Variants in TNFAIP8 observed in about 807,000 individuals in gnomAD.
TNFAIP8 encodes TNF alpha induced protein 8.
TNFAIP8 carries 7 observed loss-of-function variants against 13.3 expected under a neutral mutation model. The observed-to-expected ratio is 0.52, with a 90% CI of 0.30 to 0.99. The LOEUF (loss-of-function observed/expected upper bound fraction) is 0.99, where lower values mean the gene tolerates loss of function less well. Ranked by LOEUF, TNFAIP8 falls within the 50% of genes least tolerant of loss-of-function variation. The pLI is 0.07. For missense variants in TNFAIP8, 258 were observed against 236.9 expected, an observed-to-expected ratio of 1.09 and a Z score of -0.58; for synonymous variants, 94 against 87.6, an observed-to-expected ratio of 1.07 and a Z score of -0.41.
chr5:119,373,653 G>T (rs1468022150), intron 1 of TNFAIP8, among the ~76,000 whole-genome samples: 1 of 152,210 alleles, frequency 6.6e-6, no homozygotes, highest in Non-Finnish European at 1.5e-5. Context: ...GAAGGGATTG[G>T]CATGAAGCTT....
intron 1 of TNFAIP8, among the ~76,000 whole-genome samples, chr5:119,299,991 G>T (rs148672196): frequency 6.6e-6 from 1 of 152,216 alleles, no homozygotes; most frequent in Non-Finnish European, 1.5e-5. Flanking sequence ...GGAGTGACCC[G>T]ATTTTCCAGG....
Position 119,356,055 on chromosome 5 carries a change from G to A in TNFAIP8, c.-36G>A, listed in dbSNP as rs777378734. 6.4e-7 allele frequency: 1 copy of A among 1,561,254 alleles called. No homozygotes were observed. Among genetic ancestry groups the A allele is most frequent in the Non-Finnish European group, 8.7e-7 (1 of 1,152,266 alleles). ...TTGCGGCTCGTCCGAGTACATGTGA[G>A]CGGTAATCGCCCCTGCAGCTGGTTA... is the stretch of plus-strand genomic sequence containing the variant. On this transcript the variant is annotated 5_prime_UTR_variant, in exon 1 of 2. Coordinates refer to ENST00000504771, the MANE Select transcript of TNFAIP8 (RefSeq NM_014350.4).
intron 1 of TNFAIP8, among the ~76,000 whole-genome samples, chr5:119,294,781 C>G (rs1265871757): frequency 6.6e-6 from 1 of 152,112 alleles, no homozygotes; most frequent in African/African-American, 2.4e-5. Context: ...TTGCGTTTCT[C>G]TGATGGCCAG....
chr5:119,386,978 C>CCTCCCTCCCTCTCT, intron 1 of TNFAIP8, among the ~76,000 whole-genome samples: 1 of 135,540 alleles, frequency 7.4e-6, no homozygotes, highest in Non-Finnish European at 1.6e-5. Context: ...TCCCTCCCTC[C>CCTCCCTCCCTCTCT]CTCTCTTTCC....
intron 1 of TNFAIP8, among the ~76,000 whole-genome samples, chr5:119,371,895 T>C (rs920942368): frequency 7.9e-5 from 12 of 151,310 alleles, no homozygotes; most frequent in African/African-American, 2.9e-4. Context: ...CCCATCACTT[T>C]GGGAGGCCGA....
chr5:119,345,803 A>G (rs910999814), intron 1 of TNFAIP8, among the ~76,000 whole-genome samples: 5 of 152,214 alleles, frequency 3.3e-5, no homozygotes, highest in African/African-American at 1.2e-4. Flanking sequence ...TTGTACAACA[A>G]TGTGAATGTA....
intron 1 of TNFAIP8, among the ~76,000 whole-genome samples, chr5:119,280,375 C>A (rs918272941): frequency 1.3e-5 from 2 of 150,388 alleles, no homozygotes; most frequent in Admixed American, 6.6e-5. Flanking sequence ...TCTACAGACC[C>A]CTCTACCAGA....
intron 1 of TNFAIP8, among the ~76,000 whole-genome samples, chr5:119,364,639 C>T (rs772614587): frequency 1.2e-4 from 18 of 152,092 alleles, no homozygotes; most frequent in African/African-American, 1.2e-4. Context: ...TGAGCCACCG[C>T]GCCCAGTTAT....
At chr5:119,325,008 A>T (rs1750177951) in intron 1 of TNFAIP8, among the ~76,000 whole-genome samples, 1 of 152,144 alleles carries the variant, frequency 6.6e-6, no homozygotes, top group Non-Finnish European at 1.5e-5. Context: ...CTGAGGCAGG[A>T]GAATTGCTTG....
At position 119,387,037 on chromosome 5, in the gene TNFAIP8, A is replaced by G. The variant is rs141129454; in HGVS notation, c.32-5779A>G. Among the ~76,000 whole-genome samples, 73 of 122,370 alleles carry G rather than the reference A, an allele frequency of 6.0e-4. No homozygotes were observed. The East Asian group carries it at 0.016, about 26-fold the overall frequency. 80.3% of individuals were successfully genotyped at this position (122,370 alleles called of 152,430 possible). ...TCTTTCCCTCTGTTGTTTCTTCTCT[A>G]TGCTGTTGAATTTCTGACTTTGGGA... On this transcript the variant is annotated intron_variant, in intron 1 of 1. Transcript: ENST00000504771.
At chr5:119,299,813 G>T (rs1749302849) in intron 1 of TNFAIP8, among the ~76,000 whole-genome samples, 1 of 152,230 alleles carries the variant, frequency 6.6e-6, no homozygotes, top group South Asian at 2.1e-4. Flanking sequence ...CTGGGAAATG[G>T]CGGGCGCCCT....
intron 1 of TNFAIP8, among the ~76,000 whole-genome samples, chr5:119,315,474 CAA>C (rs1749865193): frequency 6.6e-6 from 1 of 151,466 alleles, no homozygotes; most frequent in African/African-American, 2.4e-5. Context: ...TTTTTCTTAT[CAA>C]AAAAACAACA....
intron 1 of TNFAIP8, among the ~76,000 whole-genome samples, chr5:119,313,640 C>T (rs1749799630): frequency 6.6e-6 from 1 of 152,190 alleles, no homozygotes; most frequent in African/African-American, 2.4e-5. Flanking sequence ...ATAGAATTGT[C>T]AGTACCTTTA....
upstream of TNFAIP8, among the ~76,000 whole-genome samples, chr5:119,352,471 G>C (rs894592126): frequency 6.6e-6 from 1 of 152,186 alleles, no homozygotes; most frequent in East Asian, 1.9e-4. Context: ...GCGAACTAGA[G>C]GCTATAGGTC....
intron 1 of TNFAIP8, among the ~76,000 whole-genome samples, chr5:119,279,831 T>C (rs1748573716): frequency 6.6e-6 from 1 of 152,204 alleles, no homozygotes; most frequent in African/African-American, 2.4e-5. Flanking sequence ...TAATTTAAAG[T>C]GTTATAAGGC....
intron 1 of TNFAIP8, among the ~76,000 whole-genome samples, chr5:119,363,717 T>A (rs1223941241): frequency 6.6e-6 from 1 of 152,230 alleles, no homozygotes; most frequent in Non-Finnish European, 1.5e-5. Flanking sequence ...GGACGTTGAC[T>A]AGACGTCCTA....
intron 1 of TNFAIP8, among the ~76,000 whole-genome samples, chr5:119,319,272 C>T (rs1749985244): frequency 6.6e-6 from 1 of 151,980 alleles, no homozygotes; most frequent in Non-Finnish European, 1.5e-5. Context: ...AGACCCTGTC[C>T]CTGAAATAAG....
intron 1 of TNFAIP8, among the ~76,000 whole-genome samples, chr5:119,357,334 C>G (rs760608528): frequency 3.9e-5 from 6 of 152,106 alleles, no homozygotes; most frequent in Admixed American, 2.0e-4. Context: ...TTGCCGTGTC[C>G]TGTGTTCTGA....
At chr5:119,334,906 G>A (rs908884710) in intron 1 of TNFAIP8, among the ~76,000 whole-genome samples, 1 of 152,066 alleles carries the variant, frequency 6.6e-6, no homozygotes, top group African/African-American at 2.4e-5. Flanking sequence ...GGTAGGTAGC[G>A]TACTTTGGCA....
Sources: gnomAD v4.1 joint callset for allele counts (sites outside exome capture counted in the v4.1 genomes callset) on GRCh38, gnomAD v4.1.1 for gene constraint, MANE v1.5 for transcripts, NCBI Gene and HGNC (gene_info 2026-07-23, HGNC 2026-07-21) for gene names.